The following CCNI variants were observed in gnomAD, a reference collection of about 807,000 sequenced individuals.
The protein encoded by CCNI is cyclin I.
Under a neutral mutation model 34.1 loss-of-function variants are expected in CCNI, and 14 were observed. The ratio of observed to expected loss-of-function variants is 0.41; its 90% confidence interval spans 0.27 to 0.64. The LOEUF is 0.64. CCNI is among the 30% of genes least tolerant of loss of function. CCNI has a pLI of 0.31. For synonymous variants in CCNI, 154 were observed against 158.4 expected, an observed-to-expected ratio of 0.97 and a Z score of 0.21; for missense variants, 385 against 440.5, an observed-to-expected ratio of 0.87 and a Z score of 1.13.
intron 6 of CCNI, among the ~76,000 whole-genome samples, chr4:77,048,960 CTGTTTT>C (rs1727642250): frequency 1.5e-5 from 1 of 65,796 alleles, no homozygotes; most frequent in African/African-American, 5.4e-5. Context: ...TATCCAACGT[CTGTTTT>C]TTTTTTTTTT....
intron 6 of CCNI, among the ~76,000 whole-genome samples, chr4:77,051,081 A>G (rs768601773): frequency 1.3e-5 from 2 of 152,158 alleles, no homozygotes; most frequent in African/African-American, 4.8e-5. Context: ...AATACCTAAC[A>G]GAATGCCTAC....
chr4:77,051,799 A>G (rs1490762403), intron 6 of CCNI, among the ~76,000 whole-genome samples: 1 of 152,160 alleles, frequency 6.6e-6, no homozygotes, highest in East Asian at 1.9e-4. Flanking sequence ...GAGAATATGT[A>G]TTATTTTTTA....
At chr4:77,069,859 C>G (rs961428181) in intron 1 of CCNI, among the ~76,000 whole-genome samples, 2 of 151,938 alleles carry the variant, frequency 1.3e-5, no homozygotes, top group African/African-American at 2.4e-5. Flanking sequence ...CTACCAAAAT[C>G]TAATCTCTTT....
intron 1 of CCNI, among the ~76,000 whole-genome samples, chr4:77,074,596 T>C (rs1729753477): frequency 1.3e-5 from 2 of 152,168 alleles, no homozygotes; most frequent in Non-Finnish European, 2.9e-5. Flanking sequence ...AGGCTCCTAC[T>C]ACCAGCCTTG....
At chr4:77,066,016 G>C (rs1251129450) in intron 2 of CCNI, 2 of 394,922 alleles carry the variant, frequency 5.1e-6, no homozygotes, top group Non-Finnish European at 4.6e-6. Flanking sequence ...TGAGAGGATT[G>C]CTTGAGCCCG....
chr4:77,049,216 C>T (rs1415783866), intron 6 of CCNI, among the ~76,000 whole-genome samples: 1 of 151,886 alleles, frequency 6.6e-6, no homozygotes, highest in African/African-American at 2.4e-5. Flanking sequence ...GTAGACTTAG[C>T]ACTAAGATGA....
intron 2 of CCNI, among the ~76,000 whole-genome samples, chr4:77,062,974 A>G (rs1267473752): frequency 6.6e-6 from 1 of 152,242 alleles, no homozygotes; most frequent in East Asian, 1.9e-4. Context: ...CTTTGAGTCT[A>G]TTATATGCAA....
chr4:77,072,638 TA>T (rs61247567), intron 1 of CCNI, among the ~76,000 whole-genome samples: 37,502 of 101,420 alleles, frequency 0.37, 6,549 homozygotes, highest in East Asian at 0.5. Context: ...CCCAATCTCT[TA>T]AAAAAAAAAA....
chr4:77,064,284 T>C (rs1365110710), intron 2 of CCNI, among the ~76,000 whole-genome samples: 2 of 151,752 alleles, frequency 1.3e-5, no homozygotes, highest in African/African-American at 4.8e-5. Flanking sequence ...TTTGGTAATA[T>C]AGCAATATAC....
chr4:77,061,763 A>T (rs576234978), intron 2 of CCNI, among the ~76,000 whole-genome samples: 1 of 152,188 alleles, frequency 6.6e-6, no homozygotes, highest in South Asian at 2.1e-4. Context: ...TCCGCCTCCC[A>T]GGTTCACACC....
intron 1 of CCNI, among the ~76,000 whole-genome samples, chr4:77,072,691 C>T (rs1729579902): frequency 6.6e-6 from 1 of 150,418 alleles, no homozygotes. Context: ...ATACCTGACC[C>T]TCAACTAGAT....
At chr4:77,064,580 C>CGCGG (rs1553986267) in intron 2 of CCNI, 2 of 113,940 alleles carry the variant, frequency 1.8e-5, no homozygotes, top group African/African-American at 7.3e-5. Flanking sequence ...CACATGCGCG[C>CGCGG]GCGCGCACAC....
At chr4:77,059,577 T>C (rs1302967894) in intron 2 of CCNI, among the ~76,000 whole-genome samples, 1 of 152,104 alleles carries the variant, frequency 6.6e-6, no homozygotes, top group Non-Finnish European at 1.5e-5. Context: ...GTATAATTCA[T>C]CTGTTGCCCC....
rs917842422 is a variant in CCNI, at chr4:77,048,415, G to A, written c.938C>T (p.Ala313Val). The change falls in exon 7 of 7, where the codon GCC becomes GTC. Residue 313 changes from alanine (A) to valine (V), a missense_variant. Coordinates refer to ENST00000237654, the MANE Select transcript of CCNI (RefSeq NM_006835.3). The stretch of plus-strand genomic sequence containing the variant: ...AGTAGAGGTCTGCTTGCACCCACTG[G>A]CAGCTGGGAGATGATGGTAAAAGGC... ...TAAFYHHLPA[A>V]SGCKQTSTKR... is the part of the protein sequence containing the mutation. 1.2e-6 allele frequency: 2 copies of A among 1,614,010 alleles called. No individual in the cohort carries two copies. Among genetic ancestry groups the A allele is most frequent in the Non-Finnish European group, 1.7e-6 (2 of 1,179,998 alleles).
chr4:77,075,345 C>G, intron 1 of CCNI, 127 bp downstream of exon 1: 1 of 197,260 alleles, frequency 5.1e-6, no homozygotes, highest in Non-Finnish European at 9.1e-6. Flanking sequence ...GAGGGTGGGT[C>G]TCCGGCGAGC....
At position 77,048,505 on chromosome 4, in the gene CCNI, G is replaced by C. The variant is rs1167646927; in HGVS notation, c.848C>G (p.Ser283Cys). The C allele has an allele frequency of 5.6e-6, 9 of 1,614,044 alleles. No homozygotes were observed. The highest frequency in any genetic ancestry group is 2.2e-5 in the East Asian group (1 of 44,898). The stretch of plus-strand genomic sequence containing the variant: ...CTTGGAGAAGTCTGGGCCTGGGACA[G>C]AGGAGGGATGTAATCTGAACACTCC... ...DKGVFRLHPS[S>C]VPGPDFSKDN... Residue 283 changes from serine to cysteine, a missense_variant, in exon 7 of 7, where the codon TCT (serine) becomes TGT (cysteine). Physicochemically the swap from Ser to Cys is moderately radical, Grantham distance 112. Around this residue, in one of 2 missense-constraint regions of CCNI, gnomAD observed 250 missense variants for 248.7 expected, o/e 1.01. Coordinates refer to ENST00000237654, the MANE Select transcript of CCNI (RefSeq NM_006835.3).
rs778555363 is a variant in CCNI, at chr4:77,055,342, A to C, written c.498T>G (p.Leu166=). Reference sequence around the variant, plus strand: ...ATGGGCTCAATTTGGGCAAACTGAAAAGTAACTGAGGCCTAGTTGACACTG... The same window carrying C: ...ATGGGCTCAATTTGGGCAAACTGAACAGTAACTGAGGCCTAGTTGACACTG... ...AIAVSTRPQL[L]FSLPKLSPSQ... The change falls in exon 6 of 7, where the codon CTT becomes CTG. Residue 166 remains leucine (L), a synonymous_variant. Transcript: ENST00000237654. The C allele has an allele frequency of 1.2e-6, 2 of 1,614,232 alleles. No homozygotes were observed. The highest frequency in any genetic ancestry group is 1.7e-6 in the Non-Finnish European group (2 of 1,180,004).
At chr4:77,069,254 A>C (rs1459775199) in intron 1 of CCNI, among the ~76,000 whole-genome samples, 1 of 152,046 alleles carries the variant, frequency 6.6e-6, no homozygotes, top group East Asian at 1.9e-4. Flanking sequence ...CCATCTCTAT[A>C]AAACATACAA....
intron 6 of CCNI, among the ~76,000 whole-genome samples, chr4:77,052,306 A>T (rs1201589491): frequency 6.6e-6 from 1 of 152,078 alleles, no homozygotes; most frequent in Non-Finnish European, 1.5e-5. Context: ...GTTCTGTTTT[A>T]TGGCTGCACC....
Sources: allele counts gnomAD v4.1 joint callset (sites outside exome capture counted in the v4.1 genomes callset), GRCh38; gene constraint gnomAD v4.1.1; regional missense constraint gnomAD v4.1.1; transcripts MANE v1.5; gene names NCBI Gene and HGNC (gene_info 2026-07-23, HGNC 2026-07-21).